The following ZNF284 variants were observed in gnomAD, a reference collection of about 807,000 sequenced individuals.
The protein encoded by ZNF284 is zinc finger protein 284.
A neutral mutation model predicts 12.9 loss-of-function variants in ZNF284; 12 were observed. The ratio of observed to expected loss-of-function variants is 0.93; its 90% CI spans 0.60 to 1.51. The LOEUF (loss-of-function observed/expected upper bound fraction) is 1.51, where lower values mean the gene tolerates loss of function less well. Ranked by LOEUF, ZNF284 falls within the 40% of genes most tolerant of loss-of-function variation. ZNF284 has a pLI of 0.00. For missense variants in ZNF284, 667 were observed against 707.3 expected (o/e 0.94, Z 0.65); for synonymous variants, 225 against 236.5 (o/e 0.95, Z 0.45).
At chr19:44,081,233 A>T in intron 3 of ZNF284, 92 bp downstream of exon 3, 1 of 1,424,164 alleles carries the variant, frequency 7.0e-7, no homozygotes, top group African/African-American at 1.4e-5. Flanking sequence ...TTATGCTGCT[A>T]TGAAGAAATA....
intron 2 of ZNF284, among the ~76,000 whole-genome samples, chr19:44,079,431 C>T (rs536663004): frequency 5.3e-5 from 8 of 151,852 alleles, no homozygotes; most frequent in African/African-American, 7.3e-5. Context: ...CCATCTCCAC[C>T]GGGTGTGGTG....
At chr19:44,083,353 G>C (rs1967156890) in intron 4 of ZNF284, among the ~76,000 whole-genome samples, 1 of 151,106 alleles carries the variant, frequency 6.6e-6, no homozygotes, top group Admixed American at 6.6e-5. Flanking sequence ...AGAATCACTT[G>C]AACCCAGGAG....
At chr19:44,076,428 C>G in intron 2 of ZNF284, 24 bp downstream of exon 2, 1 of 1,603,116 alleles carries the variant, frequency 6.2e-7, no homozygotes, top group Non-Finnish European at 8.5e-7. Context: ...GTCTCTTTTG[C>G]TGTTCAGATT....
At position 44,089,169 on chromosome 19, in the gene ZNF284, G is replaced by T. The variant is rs955880689; in HGVS notation, c.*1909G>T. The T allele has an allele frequency of 6.6e-6, 1 of 150,532 alleles. No homozygotes were observed. Among genetic ancestry groups the T allele is most frequent in the Non-Finnish European group, 1.5e-5 (1 of 67,738 alleles). 9.3% of individuals were successfully genotyped at this position (150,532 alleles called of 1,614,324 possible). A position where few individuals can be genotyped will look rare whatever the true frequency, so the allele number is the denominator to read the frequency against. Reference sequence around the variant, plus strand: ...GGGGTCTCTCGGTGTTGCCCAGGCTGGATTGCTTATTCACAGATGCAGTTA... The same window carrying T: ...GGGGTCTCTCGGTGTTGCCCAGGCTTGATTGCTTATTCACAGATGCAGTTA... On this transcript the variant is annotated 3_prime_UTR_variant, in exon 5 of 5. Transcript: ENST00000421176.
At chr19:44,083,160 C>A (rs550237300) in intron 4 of ZNF284, among the ~76,000 whole-genome samples, 23 of 151,990 alleles carry the variant, frequency 1.5e-4, no homozygotes, top group African/African-American at 5.1e-4. Flanking sequence ...ACCAGCCGGG[C>A]GTGGTGGCTC....
chr19:44,073,360 G>A lies in ZNF284; in HGVS notation c.-69+1069G>A, dbSNP rs538424557. Reference sequence around the variant, plus strand: ...CTTGAGAGCAAGGCTTATGGGCTTGGACTGTTCTGGGAGTTTATCAACTAT... The same window carrying A: ...CTTGAGAGCAAGGCTTATGGGCTTGAACTGTTCTGGGAGTTTATCAACTAT... On this transcript the variant is annotated intron_variant, in intron 1 of 4. Coordinates refer to ENST00000421176, the MANE Select transcript of ZNF284 (RefSeq NM_001037813.4). Among the ~76,000 whole-genome samples, 4 of 152,290 alleles carry A rather than the reference G, an allele frequency of 2.6e-5. No individual in the cohort carries two copies. The East Asian group carries it at 7.7e-4, about 29-fold the overall frequency.
intron 3 of ZNF284, 56 bp downstream of exon 3, chr19:44,081,197 C>G (rs1967118639): frequency 6.4e-7 from 1 of 1,555,748 alleles, no homozygotes; most frequent in Non-Finnish European, 8.7e-7. Flanking sequence ...GGCTTTGTAT[C>G]CTAGGGTGTT....
chr19:44,076,449 A>G (rs749047470), intron 2 of ZNF284, 45 bp downstream of exon 2: 1 of 1,588,294 alleles, frequency 6.3e-7, no homozygotes, highest in Non-Finnish European at 8.6e-7. Context: ...CTGTTTTGCT[A>G]CTTAAGATTG....
intron 4 of ZNF284, among the ~76,000 whole-genome samples, chr19:44,083,006 G>A (rs1470787247): frequency 1.3e-5 from 2 of 152,114 alleles, no homozygotes; most frequent in African/African-American, 2.4e-5. Flanking sequence ...TACTACAGAA[G>A]CTTCTGTCTT....
intron 4 of ZNF284, among the ~76,000 whole-genome samples, chr19:44,083,476 G>T (rs34825305): frequency 0.55 from 35,879 of 65,518 alleles, 10,479 homozygotes; most frequent in Non-Finnish European, 0.67. Flanking sequence ...TATATATATA[G>T]AGAGAGAGAG....
At chr19:44,079,321 C>T (rs539319847) in intron 2 of ZNF284, among the ~76,000 whole-genome samples, 3 of 152,142 alleles carry the variant, frequency 2.0e-5, no homozygotes, top group African/African-American at 4.8e-5. Context: ...CAGCCAGGTG[C>T]GGTGGCTCAC....
At chr19:44,081,230 G>C in intron 3 of ZNF284, 89 bp downstream of exon 3, 1 of 1,438,434 alleles carries the variant, frequency 7.0e-7, no homozygotes, top group East Asian at 2.5e-5. Context: ...TTCTTATGCT[G>C]CTATGAAGAA....
rs1228482396 is a variant in ZNF284 at position 44,086,735 on chromosome 19, A to G, written c.1257A>G (p.Arg419=). 2 of 1,614,072 alleles carry G rather than the reference A, an allele frequency of 1.2e-6. No individual in the cohort carries two copies. The highest frequency in any genetic ancestry group is 2.2e-5 in the South Asian group (2 of 91,074). Residue 419 remains arginine (R), a synonymous_variant, in exon 5 of 5, where the codon AGA becomes AGG. Coordinates refer to ENST00000421176, the MANE Select transcript of ZNF284 (RefSeq NM_001037813.4). ...ATTCACAGGGCCATTCACATCAGAG[A>G]GCCTATAGAGAAGAAGAACTGTATA... The part of the protein sequence containing the change: ...YMNSQGHSHQ[R]AYREEELYKC...
Position 44,087,009 on chromosome 19 carries a change from T to C in ZNF284, c.1531T>C (p.Tyr511His). 3.1e-6 allele frequency: 5 copies of C among 1,614,162 alleles called. No individual in the cohort carries two copies. The highest frequency in any genetic ancestry group is 4.2e-6 in the Non-Finnish European group (5 of 1,180,010). ...HQRIHTGEKPYKCEECGKGFR... is the reference protein window; with the variant it reads ...HQRIHTGEKPHKCEECGKGFR... Reference sequence around the variant, plus strand: ...AAGAATTCACACTGGAGAAAAGCCTTACAAATGTGAGGAGTGTGGAAAGGG... The same window carrying C: ...AAGAATTCACACTGGAGAAAAGCCTCACAAATGTGAGGAGTGTGGAAAGGG... The change falls in exon 5 of 5, where the codon TAC (tyrosine) becomes CAC (histidine). Residue 511 changes from tyrosine (Y) to histidine (H), a missense_variant. By Grantham distance (83) the Tyr-to-His change is moderately conservative. Coordinates refer to ENST00000421176, the MANE Select transcript of ZNF284 (RefSeq NM_001037813.4).
In ZNF284 at chr19:44,088,351, G is replaced by C. The variant is rs181387397; in HGVS notation, c.*1091G>C. ...AGCTTATCTTTATCTTGCCATAAAT[G>C]ACAGAATTTTATTATTTTTTATGGT... On this transcript the variant is annotated 3_prime_UTR_variant, in exon 5 of 5. Transcript: ENST00000421176. 6.6e-6 allele frequency: 1 copy of C among 152,330 alleles called. No individual in the cohort carries two copies. Among genetic ancestry groups the C allele is most frequent in the Admixed American group, 6.5e-5 (1 of 15,310 alleles). The allele number at this position is 152,330 out of a possible 1,614,324, so 9.4% of individuals were successfully genotyped here. A position where few individuals can be genotyped will look rare whatever the true frequency, so the allele number is the denominator to read the frequency against.
rs1967295076 is a variant in ZNF284, at chr19:44,088,183, G to A, written c.*923G>A. On this transcript the variant is annotated 3_prime_UTR_variant, in exon 5 of 5. Coordinates refer to ENST00000421176, the MANE Select transcript of ZNF284 (RefSeq NM_001037813.4). Reference sequence around the variant, plus strand: ...CTGCCTTGGCCTCCCAAAGTGCTGGGATTACAGGCATGAGCCACCGTGCCC... The same window carrying A: ...CTGCCTTGGCCTCCCAAAGTGCTGGAATTACAGGCATGAGCCACCGTGCCC... 1 of 152,232 alleles carries A rather than the reference G, an allele frequency of 6.6e-6. No homozygotes were observed. The highest frequency in any genetic ancestry group is 1.5e-5 in the Non-Finnish European group (1 of 68,096). 9.4% of individuals were successfully genotyped at this position (152,232 alleles called of 1,614,324 possible).
chr19:44,079,484 C>A (rs570455429), intron 2 of ZNF284, among the ~76,000 whole-genome samples: 1 of 151,790 alleles, frequency 6.6e-6, no homozygotes, highest in African/African-American at 2.4e-5. Flanking sequence ...CCAAGGCAGG[C>A]GGATCACGAG....
At position 44,085,791 on chromosome 19, in the gene ZNF284, G is replaced by C; in HGVS notation, c.313G>C (p.Glu105Gln). 1 of 1,614,156 alleles carries C rather than the reference G, an allele frequency of 6.2e-7. No individual in the cohort carries two copies. Among genetic ancestry groups the C allele is most frequent in the Non-Finnish European group, 8.5e-7 (1 of 1,180,026 alleles). Reference protein sequence around the residue: ...HEEWSCQQIWEQTASELTRPQ... With the variant: ...HEEWSCQQIWQQTASELTRPQ... ...AGAGTGGTCTTGCCAGCAAATCTGG[G>C]AACAAACTGCAAGTGAGTTAACTAG... The change falls in exon 5 of 5, where the codon GAA (glutamate) becomes CAA (glutamine). Residue 105 changes from glutamate to glutamine, a missense_variant. Glu to Gln is a conservative substitution (Grantham distance 29, BLOSUM62 2). Coordinates refer to ENST00000421176, the MANE Select transcript of ZNF284 (RefSeq NM_001037813.4).
chr19:44,086,552 T>C lies in ZNF284; in HGVS notation c.1074T>C (p.Leu358=), dbSNP rs1166960618. ...GGAGCTTCACTTGTAGGCAAGATCT[T>C]TGTAAGCATCAGATGGACCATACAG... ...CGRSFTCRQD[L]CKHQMDHTGD... is the part of the protein sequence containing the mutation. Residue 358 remains leucine (L), a synonymous_variant, in exon 5 of 5, where the codon CTT becomes CTC. Coordinates refer to ENST00000421176, the MANE Select transcript of ZNF284 (RefSeq NM_001037813.4). 6.2e-7 allele frequency: 1 copy of C among 1,614,196 alleles called. No individual in the cohort carries two copies.
Sources: gnomAD v4.1 joint callset for allele counts (sites outside exome capture counted in the v4.1 genomes callset) on GRCh38, gnomAD v4.1.1 for gene constraint, MANE v1.5 for transcripts, NCBI Gene and HGNC (gene_info 2026-07-23, HGNC 2026-07-21) for gene names.